The following RPL28 variants were observed in gnomAD, a reference collection of about 807,000 sequenced individuals.
The protein encoded by RPL28 is large ribosomal subunit protein eL28.
Under a neutral mutation model 12.5 loss-of-function variants are expected in RPL28, and 4 were observed. That is an observed-to-expected ratio of 0.32 (90% CI 0.16 to 0.73). The LOEUF (loss-of-function observed/expected upper bound fraction) is 0.73, where lower values mean the gene tolerates loss of function less well. Among genes scored for constraint, RPL28 ranks in the 30% least tolerant of loss-of-function variants. The pLI is 0.66. For synonymous variants in RPL28, 91 were observed against 72.5 expected (o/e 1.26, Z -1.30); for missense variants, 214 against 197.7 (o/e 1.08, Z -0.49).
chr19:55,395,432 C>T (rs921146030), downstream of RPL28, among the ~76,000 whole-genome samples: 3 of 146,366 alleles, frequency 2.0e-5, no homozygotes, highest in African/African-American at 7.7e-5. Context: ...TGTGCCTGGC[C>T]TTCTTTTTCT....
At chr19:55,401,156 G>C (rs1012025714) in intron 4 of RPL28, 8 of 506,732 alleles carry the variant, frequency 1.6e-5, no homozygotes, top group Non-Finnish European at 2.4e-5. Flanking sequence ...AGGCTGGTGA[G>C]CTAGATGGAC....
rs969104892 is a variant in RPL28 at position 55,389,571 on chromosome 19, T to G, written c.*1239T>G. The G allele has an allele frequency of 5.1e-6, 5 of 985,380 alleles. No homozygotes were observed. In the African/African-American group the frequency reaches 7.0e-5, roughly 14 times the overall value. The allele number at this position is 985,380 out of a possible 1,614,324, so 61.0% of individuals were successfully genotyped here. A position where few individuals can be genotyped will look rare whatever the true frequency, so the allele number is the denominator to read the frequency against. The stretch of plus-strand genomic sequence containing the variant: ...GTAAGGGGACTGTCAGGGCCTCGAC[T>G]TGCCATTGGTTGGGGTCGTACGGGG... On this transcript the variant is annotated 3_prime_UTR_variant, in exon 5 of 5. Coordinates refer to ENST00000344063, the MANE Select transcript of RPL28 (RefSeq NM_000991.5).
Position 55,389,541 on chromosome 19 carries a change from T to C in RPL28, c.*1209T>C. 1 of 985,352 alleles carries C rather than the reference T, an allele frequency of 1.0e-6. No individual in the cohort carries two copies. The highest frequency in any genetic ancestry group is 1.2e-6 in the Non-Finnish European group (1 of 829,860). 61.0% of individuals were successfully genotyped at this position (985,352 alleles called of 1,614,324 possible). A position where few individuals can be genotyped will look rare whatever the true frequency, so the allele number is the denominator to read the frequency against. ...GTCTGAGACCACCCCCGGCTCTGAC[T>C]GAGAGTAAGGGGACTGTCAGGGCCT... On this transcript the variant is annotated 3_prime_UTR_variant, in exon 5 of 5. Transcript: ENST00000344063.
Position 55,390,774 on chromosome 19 carries a change from C to G in RPL28, c.*2442C>G. ...CTATCGGTGGGTTGGGGTGGAGGAA[C>G]CAGGAGAGGGCTGGAGGGAGGGAGA... On this transcript the variant is annotated 3_prime_UTR_variant, in exon 5 of 5. Coordinates refer to ENST00000344063, the MANE Select transcript of RPL28 (RefSeq NM_000991.5). 1.0e-6 allele frequency: 1 copy of G among 985,418 alleles called. No homozygotes were observed. The highest frequency in any genetic ancestry group is 1.2e-6 in the Non-Finnish European group (1 of 829,966). 61.0% of individuals were successfully genotyped at this position (985,418 alleles called of 1,614,324 possible).
chr19:55,401,860 C>T, intron 4 of RPL28: 4 of 1,310,190 alleles, frequency 3.1e-6, no homozygotes, highest in Non-Finnish European at 4.3e-6. Flanking sequence ...GTTCCTTCTG[C>T]TCCCAACTCA....
At chr19:55,386,921 C>G (rs181953133) in intron 3 of RPL28, 1 of 1,481,392 alleles carries the variant, frequency 6.8e-7, no homozygotes, top group Non-Finnish European at 8.9e-7. Flanking sequence ...TGAAAAAGGA[C>G]CTGAACTTCC....
chr19:55,386,796 G>T (rs772973396), intron 3 of RPL28, 103 bp downstream of exon 3: 68 of 1,608,150 alleles, frequency 4.2e-5, no homozygotes, highest in South Asian at 2.4e-4. Flanking sequence ...CCATCGCGGC[G>T]GGCATCCCTG....
In RPL28 at chr19:55,390,692, G is replaced by T; in HGVS notation, c.*2360G>T. On this transcript the variant is annotated 3_prime_UTR_variant, in exon 5 of 5. Coordinates refer to ENST00000344063, the MANE Select transcript of RPL28 (RefSeq NM_000991.5). ...CAGCTTAGTGGGCCTCTGTTCCTGCGGGTGGCCAGCCTGTCTGTGTGGCTG... is the reference window on the plus strand; with the variant it reads ...CAGCTTAGTGGGCCTCTGTTCCTGCTGGTGGCCAGCCTGTCTGTGTGGCTG... 2 of 985,394 alleles carry T rather than the reference G, an allele frequency of 2.0e-6. No individual in the cohort carries two copies. Among genetic ancestry groups the T allele is most frequent in the Non-Finnish European group, 2.4e-6 (2 of 829,948 alleles). The allele number at this position is 985,394 out of a possible 1,614,324, so 61.0% of individuals were successfully genotyped here.
chr19:55,388,589 G>A lies in RPL28; in HGVS notation c.*257G>A, dbSNP rs2089959372. 5.6e-6 allele frequency: 7 copies of A among 1,246,074 alleles called. No individual in the cohort carries two copies. In the East Asian group the frequency reaches 1.9e-4, roughly 34 times the overall value. 77.2% of individuals were successfully genotyped at this position (1,246,074 alleles called of 1,614,324 possible). The stretch of plus-strand genomic sequence containing the variant: ...AGAAAAAGTTTGCTGACTTGTGATT[G>A]AGACCTACTGTCCCATTGTGAGGTG... On this transcript the variant is annotated 3_prime_UTR_variant, in exon 5 of 5. Transcript: ENST00000344063.
rs371319043 is a variant in RPL28 at position 55,388,039 on chromosome 19, C to T, written c.315C>T (p.Asp105=). ...HMIRKNKYRP[D]LRMAAIRRAS... is the part of the protein sequence containing the mutation. ...TCCGCAAGAACAAGTACCGCCCCGA[C>T]CTGCGCATGGTGAGCTGGGGTTTGG... The change falls in exon 4 of 5, where the codon GAC becomes GAT. Residue 105 remains aspartate (D), a synonymous_variant. Transcript: ENST00000344063. The T allele has an allele frequency of 8.1e-6, 13 of 1,613,840 alleles. No individual in the cohort carries two copies. Among genetic ancestry groups the T allele is most frequent in the East Asian group, 2.2e-5 (1 of 44,832 alleles).
rs892572008 is a variant in RPL28, at chr19:55,390,057, T to G, written c.*1725T>G. On this transcript the variant is annotated 3_prime_UTR_variant, in exon 5 of 5. Coordinates refer to ENST00000344063, the MANE Select transcript of RPL28 (RefSeq NM_000991.5). ...TCAGTTGTCCTCCACAGCACTGATT[T>G]GCAGCCCACAAGCTGGCAGGTTTAT... 7.0e-5 allele frequency: 69 copies of G among 985,442 alleles called. No homozygotes were observed. Among genetic ancestry groups the G allele is most frequent in the Non-Finnish European group, 7.8e-5 (65 of 829,990 alleles). The allele number at this position is 985,442 out of a possible 1,614,324, so 61.0% of individuals were successfully genotyped here.
At chr19:55,400,193 T>TA (rs1309109952) in intron 4 of RPL28, 1 of 152,212 alleles carries the variant, frequency 6.6e-6, no homozygotes, top group Non-Finnish European at 1.5e-5. Flanking sequence ...ATTGTAAATG[T>TA]ATTTTACTTT....
intron 3 of RPL28, chr19:55,387,026 G>T: frequency 6.9e-7 from 1 of 1,442,892 alleles, no homozygotes; most frequent in Non-Finnish European, 9.1e-7. Flanking sequence ...CATCCCACAG[G>T]TGGGAAGATT....
chr19:55,401,466 C>A, intron 4 of RPL28: 1 of 1,607,082 alleles, frequency 6.2e-7, no homozygotes, highest in African/African-American at 1.3e-5. Context: ...GCTTCTTGTC[C>A]GTCTTTTTCT....
chr19:55,385,935 T>C lies in RPL28; in HGVS notation c.-39T>C, dbSNP rs879473024. The C allele has an allele frequency of 5.1e-5, 12 of 235,336 alleles. No homozygotes were observed. The highest frequency in any genetic ancestry group is 9.7e-5 in the Non-Finnish European group (11 of 113,618). The allele number at this position is 235,336 out of a possible 1,614,324, so 14.6% of individuals were successfully genotyped here. ...CGTCGCCTCGCCCCTCGCCTTCCTCTTTCCGTCTCAGGTCGCCGCTGCGAA... is the reference window on the plus strand; with the variant it reads ...CGTCGCCTCGCCCCTCGCCTTCCTCCTTCCGTCTCAGGTCGCCGCTGCGAA... On this transcript the variant is annotated 5_prime_UTR_variant, in exon 1 of 5. Transcript: ENST00000344063.
intron 3 of RPL28, chr19:55,387,518 C>T (rs1017535106): frequency 1.4e-6 from 2 of 1,440,686 alleles, no homozygotes; most frequent in African/African-American, 1.4e-5. Flanking sequence ...AAGGGACTGG[C>T]CTGAGTGAGG....
rs1306036568 is a variant in RPL28 at position 55,391,816 on chromosome 19, T to C, written c.*3484T>C. 1 of 1,415,540 alleles carries C rather than the reference T, an allele frequency of 7.1e-7. No homozygotes were observed. The highest frequency in any genetic ancestry group is 9.3e-7 in the Non-Finnish European group (1 of 1,071,126). 87.7% of individuals were successfully genotyped at this position (1,415,540 alleles called of 1,614,324 possible). A position where few individuals can be genotyped will look rare whatever the true frequency, so the allele number is the denominator to read the frequency against. Reference sequence around the variant, plus strand: ...ATGATCACAGATGTCTTCACATGCCTATGACTAATTTGTACACAAACTAAT... The same window carrying C: ...ATGATCACAGATGTCTTCACATGCCCATGACTAATTTGTACACAAACTAAT... On this transcript the variant is annotated 3_prime_UTR_variant, in exon 5 of 5. Coordinates refer to ENST00000344063, the MANE Select transcript of RPL28 (RefSeq NM_000991.5).
rs371342026 is a variant in RPL28 at position 55,386,384 on chromosome 19, C to T, written c.27C>T (p.Val9=). The change falls in exon 2 of 5, where the codon GTC becomes GTT. Residue 9 remains valine, a synonymous_variant. Coordinates refer to ENST00000344063, the MANE Select transcript of RPL28 (RefSeq NM_000991.5). MSAHLQWM[V]VRNCSSFLIK... ...TGTCTGCGCATCTGCAATGGATGGT[C>T]GTGCGGAACTGCTCCAGTTTCCTGA... is the stretch of plus-strand genomic sequence containing the variant. 6.8e-6 allele frequency: 11 copies of T among 1,614,084 alleles called. No homozygotes were observed. The highest frequency in any genetic ancestry group is 6.8e-6 in the Non-Finnish European group (8 of 1,180,014).
rs980931097 is a variant in RPL28, at chr19:55,390,764, G to A, written c.*2432G>A. 7.1e-6 allele frequency: 7 copies of A among 985,364 alleles called. No homozygotes were observed. Among genetic ancestry groups the A allele is most frequent in the African/African-American group, 7.0e-5 (4 of 57,228 alleles). The allele number at this position is 985,364 out of a possible 1,614,324, so 61.0% of individuals were successfully genotyped here. A position where few individuals can be genotyped will look rare whatever the true frequency, so the allele number is the denominator to read the frequency against. ...TATCTGAATGCTATCGGTGGGTTGGGGTGGAGGAACCAGGAGAGGGCTGGA... is the reference window on the plus strand; with the variant it reads ...TATCTGAATGCTATCGGTGGGTTGGAGTGGAGGAACCAGGAGAGGGCTGGA... On this transcript the variant is annotated 3_prime_UTR_variant, in exon 5 of 5. Coordinates refer to ENST00000344063, the MANE Select transcript of RPL28 (RefSeq NM_000991.5).
Sources: gnomAD v4.1 joint callset for allele counts (sites outside exome capture counted in the v4.1 genomes callset) on GRCh38, gnomAD v4.1.1 for gene constraint, MANE v1.5 for transcripts, NCBI Gene and HGNC (gene_info 2026-07-23, HGNC 2026-07-21) for gene names.